The following SHISA9 variants were observed in gnomAD, a reference collection of about 807,000 sequenced individuals.
SHISA9 encodes shisa family member 9.
A neutral mutation model predicts 38.0 loss-of-function variants in SHISA9; 13 were observed. That is an observed-to-expected ratio of 0.34 (90% confidence interval 0.22 to 0.54). The LOEUF is 0.54. SHISA9 is among the 20% of genes least tolerant of loss of function. SHISA9 has a pLI of 0.91. For synonymous variants in SHISA9, 275 were observed against 242.0 expected, an observed-to-expected ratio of 1.14 and a Z score of -1.27; for missense variants, 538 against 575.8, an observed-to-expected ratio of 0.93 and a Z score of 0.67.
chr16:13,170,647 AGTTT>A (rs201400283), intron 2 of SHISA9, among the ~76,000 whole-genome samples: 3,070 of 152,144 alleles, frequency 0.02, 38 homozygotes, highest in Non-Finnish European at 0.026. Flanking sequence ...TTCAAATAAA[AGTTT>A]GTTTGTTTGT....
At chr16:13,255,285 C>T in the SHISA9 span, among the ~76,000 whole-genome samples, 1 of 152,146 alleles carries the variant, frequency 6.6e-6, no homozygotes, top group East Asian at 1.9e-4. Context: ...TCTGTCTAGG[C>T]ATCTTTCTTC....
chr16:13,191,324 G>T (rs1364957518), intron 2 of SHISA9, among the ~76,000 whole-genome samples: 1 of 152,198 alleles, frequency 6.6e-6, no homozygotes, highest in Non-Finnish European at 1.5e-5. Context: ...TGAGGCAATG[G>T]AACAATCTAG....
At chr16:13,369,465 G>A in the SHISA9 span, among the ~76,000 whole-genome samples, 1 of 152,282 alleles carries the variant, frequency 6.6e-6, no homozygotes, top group Non-Finnish European at 1.5e-5. Flanking sequence ...GGTGGATTGA[G>A]CAGAACATAT....
At chr16:12,963,896 C>T (rs770112637) in intron 2 of SHISA9, among the ~76,000 whole-genome samples, 34 of 152,262 alleles carry the variant, frequency 2.2e-4, no homozygotes, top group South Asian at 1.5e-3. Context: ...ATGTCATAGC[C>T]GAGGGAAGAA....
chr16:13,044,737 C>T (rs184285012), intron 2 of SHISA9, among the ~76,000 whole-genome samples: 63 of 152,208 alleles, frequency 4.1e-4, no homozygotes, highest in African/African-American at 1.4e-3. Context: ...ATTAAACGGA[C>T]GGCTGCAGTT....
At chr16:13,069,270 GTGCGTGTGTGTACCTGCAATGTA>G (rs1220716816) in intron 2 of SHISA9, among the ~76,000 whole-genome samples, 1 of 152,138 alleles carries the variant, frequency 6.6e-6, no homozygotes, top group African/African-American at 2.4e-5. Context: ...CATGCAATGT[GTGCGTGTGTGTACCTGCAATGTA>G]TGCGTGTGTA....
the SHISA9 span, among the ~76,000 whole-genome samples, chr16:13,412,849 C>T: frequency 6.6e-6 from 1 of 152,044 alleles, no homozygotes; most frequent in Admixed American, 6.6e-5. Context: ...GAGAAAGACC[C>T]TGTCCCCCTA....
chr16:12,994,442 G>C (rs1285783224), intron 2 of SHISA9, among the ~76,000 whole-genome samples: 1 of 152,200 alleles, frequency 6.6e-6, no homozygotes, highest in African/African-American at 2.4e-5. Context: ...GAGCAGAACT[G>C]AGCAGAGGCT....
chr16:13,053,055 C>A lies in SHISA9; in HGVS notation c.691+136240C>A, dbSNP rs1202303709. Among the ~76,000 whole-genome samples, 3 of 150,364 alleles carry A rather than the reference C, an allele frequency of 2.0e-5. No individual in the cohort carries two copies. In the East Asian group the frequency reaches 5.9e-4, roughly 29 times the overall value. On this transcript the variant is annotated intron_variant, in intron 2 of 4. Coordinates refer to ENST00000558583, the MANE Select transcript of SHISA9 (RefSeq NM_001145204.3). Reference sequence around the variant, plus strand: ...TTTGGCTCATTGCAACCTCCGCCTGCCAGGTTCAAGCAATTCTCATGTCCC... The same window carrying A: ...TTTGGCTCATTGCAACCTCCGCCTGACAGGTTCAAGCAATTCTCATGTCCC...
At chr16:13,019,942 TC>T (rs2072825724) in intron 2 of SHISA9, among the ~76,000 whole-genome samples, 5 of 99,732 alleles carry the variant, frequency 5.0e-5, no homozygotes, top group Admixed American at 1.1e-4. Flanking sequence ...TTTCTTTCTT[TC>T]TTTCTTTCTT....
Position 12,986,183 on chromosome 16 carries a change from A to G in SHISA9, c.691+69368A>G, listed in dbSNP as rs117521445. 6.0e-3 allele frequency among the ~76,000 whole-genome samples: 917 copies of G among 152,280 alleles called. 7 individuals carry two copies. The highest frequency in any genetic ancestry group is 0.034 in the Middle Eastern group (10 of 294). Reference sequence around the variant, plus strand: ...TAAGGATCTACTTCTACAGAACCCCATTGAAGATAGCCGGTATGTACAAGT... The same window carrying G: ...TAAGGATCTACTTCTACAGAACCCCGTTGAAGATAGCCGGTATGTACAAGT... On this transcript the variant is annotated intron_variant, in intron 2 of 4. Coordinates refer to ENST00000558583, the MANE Select transcript of SHISA9 (RefSeq NM_001145204.3).
chr16:13,140,003 A>G (rs1057100603), intron 2 of SHISA9, among the ~76,000 whole-genome samples: 1 of 151,090 alleles, frequency 6.6e-6, no homozygotes, highest in Non-Finnish European at 1.5e-5. Context: ...TTGGCTTTTG[A>G]CCCTCGGTCA....
chr16:13,015,903 TTTC>T (rs1413126714), intron 2 of SHISA9, among the ~76,000 whole-genome samples: 18 of 116,334 alleles, frequency 1.5e-4, no homozygotes, highest in Non-Finnish European at 2.4e-4. Context: ...TCTTTCTTTC[TTTC>T]TTTTCTTTCT....
In SHISA9 at chr16:13,081,883, A is replaced by G. The variant is rs56073551; in HGVS notation, c.692-121511A>G. ...AAAAAAAAAAGGTTTCTACTGATCA[A>G]CTAGATTTAGCGTGTGTGTGTGTGT... On this transcript the variant is annotated intron_variant, in intron 2 of 4. Coordinates refer to ENST00000558583, the MANE Select transcript of SHISA9 (RefSeq NM_001145204.3). 9.4e-3 allele frequency among the ~76,000 whole-genome samples: 1,423 copies of G among 152,010 alleles called. 11 individuals carry two copies. The highest frequency in any genetic ancestry group is 0.034 in the Middle Eastern group (10 of 292).
the SHISA9 span, among the ~76,000 whole-genome samples, chr16:13,379,294 G>A: frequency 6.6e-6 from 1 of 152,216 alleles, no homozygotes; most frequent in African/African-American, 2.4e-5. Flanking sequence ...GGAGAACAAA[G>A]TTTTCATGAA....
the SHISA9 span, among the ~76,000 whole-genome samples, chr16:13,426,945 C>T: frequency 6.6e-6 from 1 of 152,208 alleles, no homozygotes; most frequent in Non-Finnish European, 1.5e-5. Context: ...TAACAGGCAA[C>T]CCCCAAATCC....
chr16:12,905,912 C>T (rs1310374487), intron 1 of SHISA9, among the ~76,000 whole-genome samples: 3 of 152,198 alleles, frequency 2.0e-5, no homozygotes, highest in Non-Finnish European at 4.4e-5. Flanking sequence ...TATTTGTATT[C>T]TGTTGCTTGT....
intron 2 of SHISA9, among the ~76,000 whole-genome samples, chr16:13,168,157 A>C (rs1044544535): frequency 1.3e-5 from 2 of 152,120 alleles, no homozygotes; most frequent in Non-Finnish European, 2.9e-5. Flanking sequence ...TAACCAATCC[A>C]AAGCCCACAC....
chr16:13,135,420 A>G (rs1305079552), intron 2 of SHISA9, among the ~76,000 whole-genome samples: 1 of 152,194 alleles, frequency 6.6e-6, no homozygotes, highest in African/African-American at 2.4e-5. Flanking sequence ...ACATCATCAT[A>G]GTCTTTCCAG....
Sources: gnomAD v4.1 joint callset for allele counts (sites outside exome capture counted in the v4.1 genomes callset) on GRCh38, gnomAD v4.1.1 for gene constraint, MANE v1.5 for transcripts, NCBI Gene and HGNC (gene_info 2026-07-23, HGNC 2026-07-21) for gene names.